SPTLC1: variants seen among roughly 807,000 people sequenced by gnomAD.
SPTLC1 encodes serine palmitoyltransferase 1.
In SPTLC1, 55 loss-of-function variants were observed where a neutral mutation model predicts 68.9. That is an observed-to-expected ratio of 0.80 (90% CI 0.64 to 1.00). The LOEUF (loss-of-function observed/expected upper bound fraction) is 1.00. SPTLC1 is among the 50% of genes least tolerant of loss of function. The pLI, the probability that SPTLC1 is intolerant of heterozygous loss-of-function variation, is 0.00. For synonymous variants in SPTLC1, 197 were observed against 201.6 expected, an observed-to-expected ratio of 0.98 and a Z score of 0.19; for missense variants, 449 against 573.1, an observed-to-expected ratio of 0.78 and a Z score of 2.21.
At chr9:92,078,282 C>T (rs1834755071) in intron 5 of SPTLC1, among the ~76,000 whole-genome samples, 1 of 152,148 alleles carries the variant, frequency 6.6e-6, no homozygotes, top group Non-Finnish European at 1.5e-5. Context: ...AATCAACAAC[C>T]CCATAAAATG....
chr9:92,045,936 T>G (rs1296715718), intron 12 of SPTLC1, 63 bp downstream of exon 12: 1 of 1,481,140 alleles, frequency 6.8e-7, no homozygotes, highest in African/African-American at 1.4e-5. Context: ...TTTAAAACTT[T>G]CCATTAGTTG....
intron 3 of SPTLC1, among the ~76,000 whole-genome samples, chr9:92,082,745 G>GTA (rs1449154137): frequency 6.6e-6 from 1 of 151,852 alleles, no homozygotes; most frequent in African/African-American, 2.4e-5. Flanking sequence ...ACTCATTTGG[G>GTA]TATATACCCA....
intron 3 of SPTLC1, among the ~76,000 whole-genome samples, chr9:92,097,370 T>C (rs1011111850): frequency 1.3e-5 from 2 of 152,258 alleles, no homozygotes; most frequent in African/African-American, 4.8e-5. Context: ...GTACACATTA[T>C]TTCATAGCAG....
At chr9:92,085,111 A>T in intron 3 of SPTLC1, among the ~76,000 whole-genome samples, 1 of 150,760 alleles carries the variant, frequency 6.6e-6, no homozygotes, top group African/African-American at 2.4e-5. Flanking sequence ...TTTTTATTGC[A>T]TCTATTTGAT....
chr9:92,059,132 T>C, intron 7 of SPTLC1, 47 bp downstream of exon 7: 7 of 1,601,566 alleles, frequency 4.4e-6, no homozygotes, highest in African/African-American at 1.3e-5. Flanking sequence ...ATTTAGCTGG[T>C]TAGAAAGTAC....
chr9:92,100,020 G>A (rs1835687278), intron 3 of SPTLC1, among the ~76,000 whole-genome samples: 2 of 151,324 alleles, frequency 1.3e-5, no homozygotes, highest in African/African-American at 2.4e-5. Flanking sequence ...TTCTCAGAAC[G>A]TATCTACGTC....
chr9:92,115,400 CACAAGCGCGTCCCAAA>C (rs1564125248), exon 1 of SPTLC1: 1 of 1,611,686 alleles, frequency 6.2e-7, no homozygotes, highest in Non-Finnish European at 8.5e-7. Flanking sequence ...GAAGGCGGGT[CACAAGCGCGTCCCAAA>C]AGTGCGCGTC....
Position 92,035,541 on chromosome 9 carries a change from T to C in SPTLC1, c.1255-658A>G, listed in dbSNP as rs1833113096. ...CAAGGTAATAGGCTACAGGGGTTTC[T>C]TTCTGGAGTGATGAAAAAGTTTTGG... On this transcript the variant is annotated intron_variant, in intron 13 of 14. Transcript: ENST00000262554. Among the ~76,000 whole-genome samples the C allele has an allele frequency of 2.0e-5, 3 of 152,096 alleles. No individual in the cohort carries two copies. In the South Asian group the frequency reaches 6.2e-4, roughly 32 times the overall value.
intron 6 of SPTLC1, among the ~76,000 whole-genome samples, chr9:92,062,771 G>C (rs1834149863): frequency 6.6e-6 from 1 of 152,032 alleles, no homozygotes; most frequent in Non-Finnish European, 1.5e-5. Flanking sequence ...AGGAGTTCAA[G>C]GCCAACCAGA....
intron 9 of SPTLC1, among the ~76,000 whole-genome samples, chr9:92,049,262 C>T (rs898169378): frequency 1.3e-5 from 2 of 152,128 alleles, no homozygotes; most frequent in Admixed American, 6.5e-5. Context: ...AGCTCTTATG[C>T]GCATGTTTTG....
At position 92,045,343 on chromosome 9, in the gene SPTLC1, C is replaced by A. The variant is rs536396453; in HGVS notation, c.1136+656G>T. Among the ~76,000 whole-genome samples the A allele has an allele frequency of 4.0e-3, 596 of 150,788 alleles. 5 individuals carry two copies. Among genetic ancestry groups the A allele is most frequent in the African/African-American group, 0.014 (564 of 41,262 alleles). On this transcript the variant is annotated intron_variant, in intron 12 of 14. Coordinates refer to ENST00000262554, the MANE Select transcript of SPTLC1 (RefSeq NM_006415.4). Reference sequence around the variant, plus strand: ...AAATGTGCCTGGAGATATCACCAACCTCCATTTTTTTTTTTTTTTAACTAC... The same window carrying A: ...AAATGTGCCTGGAGATATCACCAACATCCATTTTTTTTTTTTTTTAACTAC...
At chr9:92,048,630 C>A (rs1437741458) in intron 9 of SPTLC1, among the ~76,000 whole-genome samples, 7 of 152,312 alleles carry the variant, frequency 4.6e-5, no homozygotes. Context: ...TAGTGAGTCC[C>A]AGACTTCATG....
intron 12 of SPTLC1, among the ~76,000 whole-genome samples, chr9:92,042,368 T>C (rs1199353415): frequency 6.6e-6 from 1 of 152,158 alleles, no homozygotes; most frequent in Non-Finnish European, 1.5e-5. Flanking sequence ...ATGCACATCA[T>C]CATAACACAA....
At chr9:92,055,519 C>G (rs1833859539) in intron 7 of SPTLC1, 25 bp from the exon 8 acceptor site, 1 of 1,609,998 alleles carries the variant, frequency 6.2e-7, no homozygotes, top group South Asian at 1.1e-5. Flanking sequence ...AAGCAGACAT[C>G]TTACATTTCA....
intron 5 of SPTLC1, among the ~76,000 whole-genome samples, chr9:92,074,181 T>TA (rs1834595317): frequency 1.3e-5 from 2 of 152,216 alleles, no homozygotes; most frequent in Admixed American, 1.3e-4. Flanking sequence ...GTCCCCTTCT[T>TA]AATCGATACG....
rs111455919 is a variant in SPTLC1 at position 92,061,513 on chromosome 9, A to T, written c.561-2205T>A. On this transcript the variant is annotated intron_variant, in intron 6 of 14. Transcript: ENST00000262554. ...AGAAATGGCCAAAGGAAGCCTTCTA[A>T]ATAGGAAAAAAGCCATAAAAGAATA... Among the ~76,000 whole-genome samples, 344 of 152,318 alleles carry T rather than the reference A, an allele frequency of 2.3e-3. 1 individual carries two copies. Among genetic ancestry groups the T allele is most frequent in the African/African-American group, 7.8e-3 (325 of 41,580 alleles).
chr9:92,034,392 T>C lies in SPTLC1; in HGVS notation c.1328+418A>G, dbSNP rs1172097876. 2.0e-5 allele frequency among the ~76,000 whole-genome samples: 3 copies of C among 152,266 alleles called. No homozygotes were observed. The East Asian group carries it at 5.8e-4, about 29-fold the overall frequency. On this transcript the variant is annotated intron_variant, in intron 14 of 14. Transcript: ENST00000262554. ...CCACTGTTGCTTGTTTTTTCTCAAA[T>C]GTTACTGAGTGTTGCTGACTGAAGG...
intron 13 of SPTLC1, 23 bp from the exon 14 acceptor site, chr9:92,034,906 T>C (rs752127799): frequency 1.2e-6 from 2 of 1,600,682 alleles, no homozygotes; most frequent in Non-Finnish European, 1.7e-6. Context: ...AAAGAAGACA[T>C]CTGCAACCTG....
intron 13 of SPTLC1, among the ~76,000 whole-genome samples, chr9:92,035,889 GCT>G (rs578225666): frequency 2.0e-5 from 3 of 152,188 alleles, no homozygotes; most frequent in Non-Finnish European, 4.4e-5. Context: ...ATCTGGACTG[GCT>G]CTGTTTCTAG....
Sources: allele counts gnomAD v4.1 joint callset (sites outside exome capture counted in the v4.1 genomes callset), GRCh38; gene constraint gnomAD v4.1.1; transcripts MANE v1.5; gene names NCBI Gene and HGNC (gene_info 2026-07-23, HGNC 2026-07-21).